PRICKLE2: variants seen among roughly 807,000 people sequenced by gnomAD.
The protein encoded by PRICKLE2 is prickle-like protein 2.
In PRICKLE2, 21 loss-of-function variants were observed where a neutral mutation model predicts 81.4. That is an observed-to-expected ratio of 0.26 (90% CI 0.18 to 0.37). The LOEUF (loss-of-function observed/expected upper bound fraction) is 0.37. Ranked by LOEUF, PRICKLE2 falls within the 10% of genes least tolerant of loss-of-function variation. PRICKLE2 has a pLI of 1.00. For missense variants in PRICKLE2, 940 were observed against 1,109.0 expected, an observed-to-expected ratio of 0.85 and a Z score of 2.16; for synonymous variants, 456 against 421.5, an observed-to-expected ratio of 1.08 and a Z score of -1.00.
intron 1 of PRICKLE2, among the ~76,000 whole-genome samples, chr3:64,210,519 C>T (rs1273273868): frequency 1.3e-5 from 2 of 152,150 alleles, no homozygotes; most frequent in African/African-American, 4.8e-5. Flanking sequence ...CTATCCAACT[C>T]CCTCCCTTCC....
At chr3:64,247,667 C>G (rs1347324145) in intron 2 of PRICKLE2, among the ~76,000 whole-genome samples, 1 of 152,142 alleles carries the variant, frequency 6.6e-6, no homozygotes, top group Non-Finnish European at 1.5e-5. Context: ...TACTGTAGAT[C>G]ATAACTTAAA....
rs1171283717 is a variant in PRICKLE2, at chr3:64,096,648, G to A, written c.*2403C>T. 1.3e-5 allele frequency: 2 copies of A among 152,276 alleles called. No individual in the cohort carries two copies. Among genetic ancestry groups the A allele is most frequent in the Non-Finnish European group, 2.9e-5 (2 of 68,040 alleles). The allele number at this position is 152,276 out of a possible 1,614,324, so 9.4% of individuals were successfully genotyped here. On this transcript the variant is annotated 3_prime_UTR_variant, in exon 8 of 8. Transcript: ENST00000638394. ...CAAGCTCTGAGCAGTTCAGTGCCTG[G>A]ATGCTCTCTGGGCATCTAGACTTAT...
intron 2 of PRICKLE2, among the ~76,000 whole-genome samples, chr3:64,166,695 T>C (rs959892644): frequency 6.6e-6 from 1 of 152,354 alleles, no homozygotes; most frequent in East Asian, 1.9e-4. Context: ...GGTAGCAAGA[T>C]GCCCCATTTC....
chr3:64,240,478 T>C (rs1304561234), intron 2 of PRICKLE2, among the ~76,000 whole-genome samples: 1 of 152,178 alleles, frequency 6.6e-6, no homozygotes, highest in African/African-American at 2.4e-5. Flanking sequence ...TGAGGAAATA[T>C]AGGAACTCTG....
intron 2 of PRICKLE2, among the ~76,000 whole-genome samples, chr3:64,243,733 T>C (rs963110806): frequency 5.3e-5 from 8 of 152,196 alleles, no homozygotes; most frequent in African/African-American, 1.9e-4. Flanking sequence ...GTTATGATTA[T>C]TAAGAAAAAC....
rs779699369 is a variant in PRICKLE2, at chr3:64,147,062, C to T, written c.1428G>A (p.Arg476=). The stretch of plus-strand genomic sequence containing the variant: ...CACTGTAGCTCTCCTGAGATCTCAG[C>T]CTCCCCGGGTAATAGTCTTCTCGGC... The part of the protein sequence containing the change: ...KECREDYYPG[R]LRSQESYSDM... The change falls in exon 7 of 8, where the codon AGG becomes AGA. Residue 476 remains arginine (R), a synonymous_variant. Transcript: ENST00000638394. This position sits in a 1 kb window ranked among gnomAD's most constrained non-coding sequence, Gnocchi z 5.0. 7 of 1,614,146 alleles carry T rather than the reference C, an allele frequency of 4.3e-6. No homozygotes were observed. The East Asian group carries it at 1.1e-4, about 26-fold the overall frequency.
At chr3:64,198,632 C>T (rs1215857137) in intron 2 of PRICKLE2, 152 bp downstream of exon 2, 6 of 780,820 alleles carry the variant, frequency 7.7e-6, no homozygotes, top group Middle Eastern at 3.5e-4. Context: ...TCCTCATTTT[C>T]CACTGGGGCC....
intron 2 of PRICKLE2, among the ~76,000 whole-genome samples, chr3:64,251,120 G>T (rs753716178): frequency 7.2e-5 from 11 of 152,312 alleles, no homozygotes; most frequent in African/African-American, 2.6e-4. Context: ...TTGATTAAAT[G>T]AATCAATCAA....
chr3:64,231,888 C>T (rs976945805), intron 2 of PRICKLE2, among the ~76,000 whole-genome samples: 11 of 152,138 alleles, frequency 7.2e-5, no homozygotes, highest in African/African-American at 1.7e-4. Flanking sequence ...TTGGGTCTGA[C>T]GACAAAACCC....
intron 2 of PRICKLE2, among the ~76,000 whole-genome samples, chr3:64,263,399 C>T (rs1253782333): frequency 6.6e-6 from 1 of 152,176 alleles, no homozygotes; most frequent in Non-Finnish European, 1.5e-5. Context: ...AAAATCATTC[C>T]TGGTCCATGT....
chr3:64,213,146 G>A (rs947508045), intron 1 of PRICKLE2, among the ~76,000 whole-genome samples: 2 of 148,018 alleles, frequency 1.4e-5, no homozygotes, highest in African/African-American at 2.5e-5. Context: ...GCGCAATCTC[G>A]GCTCACTGCA....
intron 5 of PRICKLE2, 81 bp downstream of exon 5, chr3:64,157,081 C>T: frequency 7.6e-7 from 1 of 1,318,410 alleles, no homozygotes; most frequent in Non-Finnish European, 1.1e-6. Flanking sequence ...TTCTTCAGTG[C>T]AGAAAGCCAG....
intron 7 of PRICKLE2, among the ~76,000 whole-genome samples, chr3:64,130,488 A>G (rs2077180434): frequency 6.6e-6 from 1 of 152,044 alleles, no homozygotes; most frequent in African/African-American, 2.4e-5. Flanking sequence ...AATTTCTAGG[A>G]GTTTTGGGTA....
chr3:64,156,718 C>T (rs2077641284), intron 5 of PRICKLE2, among the ~76,000 whole-genome samples: 2 of 152,184 alleles, frequency 1.3e-5, no homozygotes, highest in South Asian at 4.1e-4. Flanking sequence ...TCAAATAATG[C>T]TACCTATTTT....
intron 7 of PRICKLE2, among the ~76,000 whole-genome samples, chr3:64,127,937 C>T (rs539076628): frequency 1.3e-5 from 2 of 152,140 alleles, no homozygotes; most frequent in East Asian, 3.9e-4. Context: ...AAACCAGAAC[C>T]CTTGAAAAGA....
chr3:64,143,276 T>A (rs1575585291), intron 7 of PRICKLE2, among the ~76,000 whole-genome samples: 1 of 152,188 alleles, frequency 6.6e-6, no homozygotes. Flanking sequence ...CGTTTAAATT[T>A]CCACAGCCCC....
In PRICKLE2 at chr3:64,225,026, C is replaced by A. The variant is rs2079011839; in HGVS notation, c.-157G>T. ...CTGACTTCTAAGAACGCAAGCAGGA[C>A]CTCAGGCAGCCAAAGCATCTTCTCC... On this transcript the variant is annotated 5_prime_UTR_variant, in exon 1 of 8. Transcript: ENST00000638394. The A allele has an allele frequency of 1.0e-6, 1 of 985,412 alleles. No individual in the cohort carries two copies. The highest frequency in any genetic ancestry group is 1.2e-6 in the Non-Finnish European group (1 of 830,062). 61.0% of individuals were successfully genotyped at this position (985,412 alleles called of 1,614,324 possible). A position where few individuals can be genotyped will look rare whatever the true frequency, so the allele number is the denominator to read the frequency against.
intron 2 of PRICKLE2, among the ~76,000 whole-genome samples, chr3:64,181,748 A>T (rs1405238260): frequency 1.3e-5 from 2 of 152,240 alleles, no homozygotes; most frequent in African/African-American, 4.8e-5. Context: ...AAATGATCTT[A>T]AAATTCTTAG....
chr3:64,122,433 A>T (rs2077041544), intron 7 of PRICKLE2, among the ~76,000 whole-genome samples: 1 of 152,212 alleles, frequency 6.6e-6, no homozygotes, highest in Non-Finnish European at 1.5e-5. Flanking sequence ...TCCCAGACCT[A>T]GTGAACCAGA....
Sources: gnomAD v4.1 joint callset for allele counts (sites outside exome capture counted in the v4.1 genomes callset) on GRCh38, gnomAD v4.1.1 for gene constraint, Gnocchi (gnomAD v3.1) non-coding constraint, MANE v1.5 for transcripts, NCBI Gene and HGNC (gene_info 2026-07-23, HGNC 2026-07-21) for gene names.